Variants in AP3M1 observed in about 807,000 individuals in gnomAD.
AP3M1 encodes the protein adaptor related protein complex 3 subunit mu 1.
In AP3M1, 29 loss-of-function variants were observed where a neutral mutation model predicts 42.6. The ratio of observed to expected loss-of-function variants is 0.68; its 90% CI spans 0.51 to 0.93. AP3M1 has a LOEUF of 0.93. AP3M1 is among the 40% of genes least tolerant of loss of function. The pLI is 0.00. For missense variants in AP3M1, 416 were observed against 510.2 expected, an observed-to-expected ratio of 0.82 and a Z score of 1.78; for synonymous variants, 178 against 175.3, an observed-to-expected ratio of 1.02 and a Z score of -0.12.
At chr10:74,127,494 T>A (rs1297003346) in intron 6 of AP3M1, among the ~76,000 whole-genome samples, 3 of 147,608 alleles carry the variant, frequency 2.0e-5, no homozygotes, top group South Asian at 4.4e-4. Context: ...AAAAAAAAAA[T>A]AACAAAAAAC....
intron 1 of AP3M1, among the ~76,000 whole-genome samples, chr10:74,145,440 A>G (rs17676126): frequency 0.43 from 65,894 of 152,030 alleles, 17,308 homozygotes; most frequent in Non-Finnish European, 0.59. Flanking sequence ...TTAACCTTCT[A>G]TAATAGGAAA....
chr10:74,138,056 C>T (rs367785190), intron 2 of AP3M1, 51 bp downstream of exon 2: 1 of 1,556,960 alleles, frequency 6.4e-7, no homozygotes, highest in Non-Finnish European at 8.7e-7. Flanking sequence ...CATGTCTCAC[C>T]TTCAGCTAAC....
At chr10:74,134,308 T>C in intron 3 of AP3M1, 144 bp from the exon 4 acceptor site, 1 of 846,010 alleles carries the variant, frequency 1.2e-6, no homozygotes, top group Non-Finnish European at 1.8e-6. Context: ...GTCAGACATA[T>C]CCATACCAAC....
At position 74,126,106 on chromosome 10, in the gene AP3M1, T is replaced by C. The variant is rs1339424881; in HGVS notation, c.1011+42A>G. ...TCCTCCCCACAAATCACAAAATAGA[T>C]TGCAGAAACACTTGCTCACTCTTGA... On this transcript the variant is annotated intron_variant, in intron 7 of 8. Transcript: ENST00000355264. The C allele has an allele frequency of 3.8e-6, 6 of 1,597,540 alleles. No homozygotes were observed. The East Asian group carries it at 8.9e-5, about 24-fold the overall frequency.
chr10:74,149,595 G>A (rs1386811763), intron 1 of AP3M1, among the ~76,000 whole-genome samples: 2 of 152,024 alleles, frequency 1.3e-5, no homozygotes, highest in Admixed American at 6.6e-5. Context: ...GCCAAGATTC[G>A]TAAATTAAGA....
At chr10:74,130,188 C>A (rs1342697412) in intron 4 of AP3M1, among the ~76,000 whole-genome samples, 196 bp from the exon 5 acceptor site, 1 of 152,016 alleles carries the variant, frequency 6.6e-6, no homozygotes, top group Non-Finnish European at 1.5e-5. Flanking sequence ...CCTGCCCTAG[C>A]CTCCCAAATA....
In AP3M1 at chr10:74,126,297, A is replaced by G. The variant is rs750126627; in HGVS notation, c.862T>C (p.Cys288Arg). The G allele has an allele frequency of 1.2e-6, 2 of 1,614,210 alleles. No homozygotes were observed. The highest frequency in any genetic ancestry group is 3.3e-5 in the Admixed American group (2 of 60,030). ...CCAATTGTTATATCAAATCTGCCGC[A>G]AGAACTGTTCTCCTTAAAGCTGATA... ...HSISFKENSS[C>R]GRFDITIGPK... Residue 288 changes from cysteine to arginine, a missense_variant, in exon 7 of 9, where the codon TGC (cysteine) becomes CGC (arginine). By Grantham distance (180) the Cys-to-Arg change is radical. Coordinates refer to ENST00000355264, the MANE Select transcript of AP3M1 (RefSeq NM_012095.6).
rs558491207 is a variant in AP3M1, at chr10:74,121,477, C to A, written c.*2333G>T. 3 of 152,230 alleles carry A rather than the reference C, an allele frequency of 2.0e-5. No individual in the cohort carries two copies. The highest frequency in any genetic ancestry group is 4.4e-5 in the Non-Finnish European group (3 of 68,048). The allele number at this position is 152,230 out of a possible 1,614,324, so 9.4% of individuals were successfully genotyped here. ...GTGCTTGAAAAATATTTTACTACTA[C>A]TAAGTATTCAGAAATCTTTGTTATC... On this transcript the variant is annotated 3_prime_UTR_variant, in exon 9 of 9. Transcript: ENST00000355264.
chr10:74,150,568 C>G (rs1029638487), intron 1 of AP3M1, 187 bp downstream of exon 1: 7 of 152,878 alleles, frequency 4.6e-5, no homozygotes, highest in African/African-American at 1.2e-4. Context: ...GCAGGTGGAC[C>G]GCTCCCTTCT....
intron 1 of AP3M1, among the ~76,000 whole-genome samples, chr10:74,148,730 A>C (rs1841411958): frequency 6.6e-6 from 1 of 151,690 alleles, no homozygotes; most frequent in Non-Finnish European, 1.5e-5. Context: ...CTAATGTTTA[A>C]ATTTTTTGTA....
chr10:74,130,222 T>C (rs571143478), intron 4 of AP3M1, among the ~76,000 whole-genome samples: 4 of 151,376 alleles, frequency 2.6e-5, no homozygotes, highest in African/African-American at 9.7e-5. Flanking sequence ...GTGCGTGCCA[T>C]GACACCTAGC....
intron 4 of AP3M1, among the ~76,000 whole-genome samples, chr10:74,131,998 A>G (rs1840792051): frequency 6.6e-6 from 1 of 152,176 alleles, no homozygotes; most frequent in Non-Finnish European, 1.5e-5. Flanking sequence ...CCTTATGTGT[A>G]AAATAAATGT....
At chr10:74,131,616 T>C (rs185057207) in intron 4 of AP3M1, among the ~76,000 whole-genome samples, 3 of 152,108 alleles carry the variant, frequency 2.0e-5, no homozygotes, top group Middle Eastern at 3.2e-3. Flanking sequence ...GGTGTGAACA[T>C]AGTTCACCAC....
chr10:74,142,767 A>C (rs570245437), intron 1 of AP3M1, among the ~76,000 whole-genome samples: 24 of 152,222 alleles, frequency 1.6e-4, no homozygotes, highest in Non-Finnish European at 3.2e-4. Context: ...TGCCATTAGA[A>C]TACTTAGACT....
chr10:74,149,500 G>A (rs146128831), intron 1 of AP3M1, among the ~76,000 whole-genome samples: 9,976 of 151,750 alleles, frequency 0.066, 383 homozygotes, highest in Middle Eastern at 0.15. Context: ...ATGTTGGCCA[G>A]GTTGGTCTCG....
intron 1 of AP3M1, among the ~76,000 whole-genome samples, chr10:74,141,130 G>C (rs1043045818): frequency 1.3e-5 from 2 of 152,078 alleles, no homozygotes; most frequent in African/African-American, 4.8e-5. Flanking sequence ...ACCCCTATCC[G>C]GAAAATATAA....
At chr10:74,141,418 C>G (rs1458653509) in intron 1 of AP3M1, among the ~76,000 whole-genome samples, 1 of 151,964 alleles carries the variant, frequency 6.6e-6, no homozygotes, top group Non-Finnish European at 1.5e-5. Context: ...AGAGGGAGAC[C>G]TTGCCTCTAA....
chr10:74,145,482 C>T (rs748842897), intron 1 of AP3M1, among the ~76,000 whole-genome samples: 12 of 152,324 alleles, frequency 7.9e-5, no homozygotes, highest in Non-Finnish European at 1.3e-4. Context: ...CATATTATGA[C>T]CAAGGTCTAA....
chr10:74,150,329 C>G (rs1256830124), intron 1 of AP3M1: 2 of 152,794 alleles, frequency 1.3e-5, no homozygotes, highest in Admixed American at 1.3e-4. Flanking sequence ...CTTAGAACCC[C>G]GTTACCTCTC....
Sources: gnomAD v4.1 joint callset for allele counts (sites outside exome capture counted in the v4.1 genomes callset) on GRCh38, gnomAD v4.1.1 for gene constraint, MANE v1.5 for transcripts, NCBI Gene and HGNC (gene_info 2026-07-23, HGNC 2026-07-21) for gene names.